DRC12: variants seen among roughly 807,000 people sequenced by gnomAD.
DRC12 encodes the protein dynein regulatory complex subunit 12 homolog, also known as dynein regulatory complex protein 12.
the DRC12 span, chr11:119,190,787 C>T: frequency 3.8e-5 from 61 of 1,614,116 alleles, no homozygotes; most frequent in African/African-American, 5.2e-4. This position sits in a 1 kb window ranked among gnomAD's most constrained non-coding sequence, Gnocchi z 4.2. Flanking sequence ...TCCCGCTCTC[C>T]GAGAGCTTGT....
the DRC12 span, chr11:119,193,649 A>G: frequency 6.7e-7 from 1 of 1,487,736 alleles, no homozygotes; most frequent in Non-Finnish European, 9.0e-7. Context: ...GGAAAGACCA[A>G]GACCAGGCCT....
At chr11:119,190,397 C>G in the DRC12 span, 1 of 1,613,834 alleles carries the variant, frequency 6.2e-7, no homozygotes, top group Middle Eastern at 1.7e-4. The surrounding 1 kb of genome is among the most constrained non-coding windows in gnomAD (Gnocchi z 4.2). Context: ...CAGTGCTGCC[C>G]CATCCCACTG....
chr11:119,195,192 A>T, the DRC12 span: 554 of 627,768 alleles, frequency 8.8e-4, no homozygotes, highest in South Asian at 2.2e-3. Context: ...CAAAATACAC[A>T]TGACAAATAT....
chr11:119,193,561 T>C, the DRC12 span: 5 of 1,429,656 alleles, frequency 3.5e-6, no homozygotes, highest in Non-Finnish European at 4.6e-6. Context: ...CCAGGCATCC[T>C]GGAAGGCCCC....
chr11:119,190,957 C>G, the DRC12 span: 1 of 1,250,508 alleles, frequency 8.0e-7, no homozygotes, highest in Non-Finnish European at 1.1e-6. This position sits in a 1 kb window ranked among gnomAD's most constrained non-coding sequence, Gnocchi z 4.2. Flanking sequence ...CCCCCAGCAT[C>G]ACCAAATTTC....
the DRC12 span, among the ~76,000 whole-genome samples, chr11:119,191,200 A>T: frequency 6.6e-6 from 1 of 151,752 alleles, no homozygotes; most frequent in African/African-American, 2.4e-5. Flanking sequence ...CCTGGGTTCA[A>T]GCAATTCTCC....
chr11:119,190,957 C>A, the DRC12 span: 1 of 1,250,506 alleles, frequency 8.0e-7, no homozygotes, highest in East Asian at 2.4e-5. This position sits in a 1 kb window ranked among gnomAD's most constrained non-coding sequence, Gnocchi z 4.2. Flanking sequence ...CCCCCAGCAT[C>A]ACCAAATTTC....
the DRC12 span, chr11:119,193,296 G>A: frequency 6.8e-7 from 1 of 1,477,336 alleles, no homozygotes; most frequent in Non-Finnish European, 9.4e-7. Context: ...TGGAGGGATG[G>A]AGAAAGGAAA....
chr11:119,194,974 A>G, the DRC12 span: 11 of 1,551,142 alleles, frequency 7.1e-6, no homozygotes, highest in South Asian at 1.3e-4. Context: ...CTGTGCCTGG[A>G]CTCGGCCACC....
At chr11:119,190,485 A>G in the DRC12 span, 4 of 1,612,984 alleles carry the variant, frequency 2.5e-6, no homozygotes, top group Non-Finnish European at 2.5e-6. The surrounding 1 kb of genome is among the most constrained non-coding windows in gnomAD (Gnocchi z 4.2). Flanking sequence ...CCCCAGAAAG[A>G]GAGAGAGGGA....
At chr11:119,193,487 A>G in the DRC12 span, 1 of 1,205,496 alleles carries the variant, frequency 8.3e-7, no homozygotes, top group Non-Finnish European at 1.1e-6. Flanking sequence ...CTCCCCGCCC[A>G]TGGGCTGATT....
At chr11:119,195,826 G>A in the DRC12 span, 2 of 225,550 alleles carry the variant, frequency 8.9e-6, no homozygotes, top group African/African-American at 4.7e-5. Flanking sequence ...GCCAGCGTTG[G>A]GGCTCCCCGT....
chr11:119,192,330 G>A, the DRC12 span, among the ~76,000 whole-genome samples: 9 of 152,314 alleles, frequency 5.9e-5, no homozygotes, highest in South Asian at 6.2e-4. Flanking sequence ...AAGAGCTCAT[G>A]TGTCATGCTG....
chr11:119,191,716 G>A, the DRC12 span, among the ~76,000 whole-genome samples: 5 of 151,804 alleles, frequency 3.3e-5, no homozygotes, highest in Non-Finnish European at 7.4e-5. Context: ...ACTGAGGCAG[G>A]AGAATTGCTT....
chr11:119,191,345 G>A, the DRC12 span, among the ~76,000 whole-genome samples: 19 of 151,592 alleles, frequency 1.3e-4, no homozygotes, highest in East Asian at 1.4e-3. Context: ...TGATCCGCCC[G>A]CCTCGGCCTC....
chr11:119,193,209 A>G, the DRC12 span: 1 of 1,614,068 alleles, frequency 6.2e-7, no homozygotes, highest in Admixed American at 1.7e-5. Flanking sequence ...GGGTTTGCAT[A>G]TCCTCCTGCA....
chr11:119,195,504 GAGA>G, the DRC12 span: 4 of 1,544,118 alleles, frequency 2.6e-6, no homozygotes, highest in Middle Eastern at 1.7e-4. Context: ...GCTGTCCTGG[GAGA>G]AGGAGGGGAC....
chr11:119,193,290 G>A, the DRC12 span: 1 of 1,508,360 alleles, frequency 6.6e-7, no homozygotes, highest in Non-Finnish European at 9.2e-7. Context: ...TGGAGATGGA[G>A]GGATGGAGAA....
the DRC12 span, among the ~76,000 whole-genome samples, chr11:119,192,138 G>A: frequency 6.6e-6 from 1 of 152,098 alleles, no homozygotes; most frequent in African/African-American, 2.4e-5. Context: ...ACCATGCTCA[G>A]CTAATTTTTG....
Sources: allele counts gnomAD v4.1 joint callset (sites outside exome capture counted in the v4.1 genomes callset), GRCh38; gene constraint gnomAD v4.1.1; non-coding constraint Gnocchi (gnomAD v3.1); transcripts MANE v1.5; gene names NCBI Gene and HGNC (gene_info 2026-07-23, HGNC 2026-07-21).